CNGB3: variants seen among roughly 807,000 people sequenced by gnomAD.
CNGB3 encodes the protein cyclic nucleotide-gated channel beta-3.
A neutral mutation model predicts 92.8 loss-of-function variants in CNGB3; 86 were observed. The ratio of observed to expected loss-of-function variants is 0.93; its 90% CI spans 0.78 to 1.11. The LOEUF (loss-of-function observed/expected upper bound fraction) is 1.11. CNGB3 is among the 50% of genes least tolerant of loss of function. The probability of loss-of-function intolerance (pLI) is 0.00; values close to 1 mark genes in which losing one functional copy is unlikely to be tolerated. For missense variants in CNGB3, 1,026 were observed against 956.8 expected (o/e 1.07, Z -0.95); for synonymous variants, 333 against 332.7 (o/e 1.00, Z -0.01).
chr8:86,648,319 C>T (rs916157526), intron 7 of CNGB3, among the ~76,000 whole-genome samples: 11 of 151,148 alleles, frequency 7.3e-5, no homozygotes, highest in African/African-American at 2.7e-4. Flanking sequence ...GCCAATTCTC[C>T]TGTGTTCACA....
chr8:86,584,322 A>C (rs1821850964), intron 15 of CNGB3, among the ~76,000 whole-genome samples: 2 of 152,190 alleles, frequency 1.3e-5, no homozygotes, highest in Admixed American at 1.3e-4. Flanking sequence ...TCCTGTAGTT[A>C]TGCAAGGCTG....
At chr8:86,635,735 A>T (rs1425675917) in intron 10 of CNGB3, among the ~76,000 whole-genome samples, 2 of 149,990 alleles carry the variant, frequency 1.3e-5, no homozygotes, top group East Asian at 2.0e-4. Context: ...AGTCAGATAG[A>T]TCTTTTCAAA....
intron 15 of CNGB3, among the ~76,000 whole-genome samples, chr8:86,593,438 C>T (rs1822094512): frequency 6.6e-6 from 1 of 152,192 alleles, no homozygotes; most frequent in Admixed American, 6.5e-5. Flanking sequence ...AACCAGGTAA[C>T]TATGTGAAAT....
chr8:86,694,088 A>C (rs1314503154), intron 3 of CNGB3, among the ~76,000 whole-genome samples: 37 of 69,324 alleles, frequency 5.3e-4, no homozygotes, highest in South Asian at 2.2e-3. Flanking sequence ...TGACCCCCCC[A>C]CCTCCCTCCC....
intron 14 of CNGB3, among the ~76,000 whole-genome samples, chr8:86,605,490 T>G (rs182178573): frequency 3.3e-5 from 5 of 152,202 alleles, no homozygotes; most frequent in African/African-American, 1.2e-4. Flanking sequence ...ATAAATTCAC[T>G]TACTTGGCTT....
intron 2 of CNGB3, among the ~76,000 whole-genome samples, chr8:86,729,972 G>A (rs1267252215): frequency 1.3e-5 from 2 of 152,152 alleles, no homozygotes; most frequent in Non-Finnish European, 2.9e-5. Flanking sequence ...CAGTACACTT[G>A]GTCAAATTCT....
At chr8:86,586,385 T>C (rs973740323) in intron 15 of CNGB3, among the ~76,000 whole-genome samples, 1 of 152,022 alleles carries the variant, frequency 6.6e-6, no homozygotes, top group Admixed American at 6.6e-5. Flanking sequence ...GTGCACATTG[T>C]GCAGGTTAGT....
Position 86,668,196 on chromosome 8 carries a change from A to G in CNGB3, c.494-28T>C, listed in dbSNP as rs772618353. ...TCATAGGGAAAAAAAAAAAGATGAA[A>G]CATTTGAAGAGGTTAAGTTAGTTTA... On this transcript the variant is annotated intron_variant, in intron 4 of 17. Coordinates refer to ENST00000320005, the MANE Select transcript of CNGB3 (RefSeq NM_019098.5). 6.8e-6 allele frequency: 11 copies of G among 1,612,404 alleles called. No individual in the cohort carries two copies. The South Asian group carries it at 1.2e-4, about 18-fold the overall frequency.
chr8:86,659,058 G>T, intron 6 of CNGB3: 1 of 891,646 alleles, frequency 1.1e-6, no homozygotes, highest in Non-Finnish European at 1.8e-6. Context: ...CACCTCAGAG[G>T]GCCCTGCTGG....
chr8:86,743,063 C>T (rs570662880), intron 1 of CNGB3, among the ~76,000 whole-genome samples: 1 of 152,234 alleles, frequency 6.6e-6, no homozygotes, highest in South Asian at 2.1e-4. Context: ...CCAGATTTGC[C>T]AAATGTCCCT....
chr8:86,715,195 A>G (rs550075806), intron 3 of CNGB3, among the ~76,000 whole-genome samples: 1 of 152,208 alleles, frequency 6.6e-6, no homozygotes, highest in South Asian at 2.1e-4. Context: ...ACTGCAGCTG[A>G]TGCGCTCTTG....
chr8:86,629,124 G>A, intron 11 of CNGB3, 46 bp from the exon 12 acceptor site: 1 of 1,600,702 alleles, frequency 6.2e-7, no homozygotes, highest in African/African-American at 1.3e-5. Flanking sequence ...GAGGAAATGA[G>A]TTAATAAAAG....
At position 86,728,303 on chromosome 8, in the gene CNGB3, G is replaced by T. The variant is rs1025020315; in HGVS notation, c.212-1646C>A. Among the ~76,000 whole-genome samples, 3 of 152,088 alleles carry T rather than the reference G, an allele frequency of 2.0e-5. No individual in the cohort carries two copies. In the South Asian group the frequency reaches 6.2e-4, roughly 32 times the overall value. On this transcript the variant is annotated intron_variant, in intron 2 of 17. Transcript: ENST00000320005. The stretch of plus-strand genomic sequence containing the variant: ...TGTAGGATAGGGACCCTTCTGTACA[G>T]GCACATGTGGTACACTAATGAGTTT...
chr8:86,682,830 C>T (rs906575926), intron 3 of CNGB3, among the ~76,000 whole-genome samples: 3 of 152,036 alleles, frequency 2.0e-5, no homozygotes, highest in African/African-American at 7.2e-5. Flanking sequence ...GTCAGGGTGC[C>T]AATAAACAGA....
chr8:86,622,377 T>TC lies in CNGB3; in HGVS notation c.1578+3605_1578+3606insG, dbSNP rs61159684. On this transcript the variant is annotated intron_variant, in intron 13 of 17. Coordinates refer to ENST00000320005, the MANE Select transcript of CNGB3 (RefSeq NM_019098.5). ...CATTTTCTTTTGGGGCCATTCTTCT[T>TC]TTTTTTTTTTTTTTTGAAAATGGAG... Among the ~76,000 whole-genome samples the TC allele has an allele frequency of 0.039, 1,074 of 27,216 alleles. 8 individuals carry two copies. In the African/African-American group the frequency reaches 0.41, roughly 10 times the overall value. 17.9% of individuals were successfully genotyped at this position (27,216 alleles called of 152,430 possible). A position where few individuals can be genotyped will look rare whatever the true frequency, so the allele number is the denominator to read the frequency against.
intron 15 of CNGB3, among the ~76,000 whole-genome samples, chr8:86,586,057 T>C (rs1821883169): frequency 1.3e-5 from 2 of 152,174 alleles, no homozygotes; most frequent in Non-Finnish European, 2.9e-5. Flanking sequence ...GTACAGATGA[T>C]TGTGCTTTGA....
At chr8:86,681,243 T>C (rs755170549) in intron 3 of CNGB3, among the ~76,000 whole-genome samples, 3 of 152,170 alleles carry the variant, frequency 2.0e-5, no homozygotes, top group Non-Finnish European at 4.4e-5. Context: ...GGATAGATTA[T>C]TGCGAAAGGG....
intron 10 of CNGB3, among the ~76,000 whole-genome samples, chr8:86,637,634 A>C (rs1305072660): frequency 1.3e-5 from 2 of 152,124 alleles, no homozygotes; most frequent in Non-Finnish European, 1.5e-5. Context: ...ATTTTTTATC[A>C]GCATTTTGCA....
chr8:86,707,223 A>G (rs1391194084), intron 3 of CNGB3, among the ~76,000 whole-genome samples: 1 of 152,218 alleles, frequency 6.6e-6, no homozygotes, highest in Non-Finnish European at 1.5e-5. Flanking sequence ...AATTGGGAAT[A>G]TAGAAATAAG....
Sources: allele counts gnomAD v4.1 joint callset (sites outside exome capture counted in the v4.1 genomes callset), GRCh38; gene constraint gnomAD v4.1.1; transcripts MANE v1.5; gene names NCBI Gene and HGNC (gene_info 2026-07-23, HGNC 2026-07-21).